The following STX7 variants were observed in gnomAD, a reference collection of about 807,000 sequenced individuals.
STX7 encodes the protein syntaxin-7.
In STX7, 34 loss-of-function variants were observed where a neutral mutation model predicts 39.6. That is an observed-to-expected ratio of 0.86 (90% CI 0.65 to 1.14). The LOEUF (loss-of-function observed/expected upper bound fraction) is 1.14. STX7 is among the 50% of genes most tolerant of loss of function. The probability of loss-of-function intolerance (pLI) is 0.00; values close to 1 mark genes in which losing one functional copy is unlikely to be tolerated. For synonymous variants in STX7, 119 were observed against 99.1 expected (o/e 1.20, Z -1.19); for missense variants, 284 against 310.4 (o/e 0.92, Z 0.64).
At chr6:132,488,073 T>TA (rs1457299406) in intron 2 of STX7, among the ~76,000 whole-genome samples, 1 of 152,238 alleles carries the variant, frequency 6.6e-6, no homozygotes, top group African/African-American at 2.4e-5. Context: ...CAAATTCTGA[T>TA]ATGTGATGCT....
At position 132,450,716 on chromosome 6, in the gene STX7, GA is replaced by G. The variant is rs1440029440; in HGVS notation, c.*10041del. ...GAATAAATCTGAAGATAAAATGATA[GA>G]AATTACACAGTCTGAACAACAGAAG... On this transcript the variant is annotated 3_prime_UTR_variant, in exon 10 of 10. Transcript: ENST00000367941. The G allele has an allele frequency of 6.6e-6, 1 of 152,054 alleles. No individual in the cohort carries two copies. Among genetic ancestry groups the G allele is most frequent in the African/African-American group, 2.4e-5 (1 of 41,418 alleles). The allele number at this position is 152,054 out of a possible 1,614,324, so 9.4% of individuals were successfully genotyped here. A position where few individuals can be genotyped will look rare whatever the true frequency, so the allele number is the denominator to read the frequency against.
At chr6:132,471,090 C>T (rs1046828146) in intron 5 of STX7, among the ~76,000 whole-genome samples, 3 of 152,102 alleles carry the variant, frequency 2.0e-5, no homozygotes, top group South Asian at 2.1e-4. Flanking sequence ...CATTCATCTC[C>T]GTCATCTTGG....
chr6:132,466,147 C>T (rs1252597244), intron 8 of STX7, among the ~76,000 whole-genome samples: 1 of 152,200 alleles, frequency 6.6e-6, no homozygotes, highest in Non-Finnish European at 1.5e-5. Flanking sequence ...TACACTATTT[C>T]ACCAACACAG....
intron 7 of STX7, among the ~76,000 whole-genome samples, chr6:132,468,851 G>T (rs1226297140): frequency 6.6e-6 from 1 of 152,158 alleles, no homozygotes; most frequent in Non-Finnish European, 1.5e-5. Flanking sequence ...AATATTCTTA[G>T]CATGTATTTC....
At chr6:132,476,770 G>A (rs937507332) in intron 2 of STX7, among the ~76,000 whole-genome samples, 5 of 152,058 alleles carry the variant, frequency 3.3e-5, no homozygotes, top group African/African-American at 9.7e-5. Flanking sequence ...TCACAATCCG[G>A]AAGTCTATGA....
rs766122101 is a variant in STX7, at chr6:132,507,135, A to G, written c.-58-3547T>C. ...TGGACAGAGAGTGGAATAAGAAGAC[A>G]TTGGAGACTCAAAAGGATGGGAGGG... On this transcript the variant is annotated intron_variant, in intron 1 of 9. Coordinates refer to ENST00000367941, the MANE Select transcript of STX7 (RefSeq NM_003569.3). 1.3e-3 allele frequency among the ~76,000 whole-genome samples: 202 copies of G among 152,296 alleles called. 1 individual carries two copies. Among genetic ancestry groups the G allele is most frequent in the Non-Finnish European group, 2.2e-3 (149 of 68,012 alleles).
intron 8 of STX7, among the ~76,000 whole-genome samples, chr6:132,465,600 T>G (rs1318011549): frequency 1.3e-5 from 2 of 152,200 alleles, no homozygotes; most frequent in Admixed American, 1.3e-4. Context: ...TTCTCTGACT[T>G]CTGAAAGACT....
chr6:132,473,889 G>T (rs533568494), intron 3 of STX7, among the ~76,000 whole-genome samples: 63 of 152,010 alleles, frequency 4.1e-4, no homozygotes, highest in African/African-American at 1.5e-3. Context: ...TATCTTTAAT[G>T]CATTTTTGTA....
Position 132,451,776 on chromosome 6 carries a change from T to C in STX7, c.*8982A>G, listed in dbSNP as rs1292780364. On this transcript the variant is annotated 3_prime_UTR_variant, in exon 10 of 10. Transcript: ENST00000367941. ...CATATAACTATTGTAAAAGTGGAAA[T>C]TACAATAAAAAGAACTCCCTCCCCC... The C allele has an allele frequency of 6.6e-6, 1 of 152,068 alleles. No homozygotes were observed. The highest frequency in any genetic ancestry group is 2.4e-5 in the African/African-American group (1 of 41,410). The allele number at this position is 152,068 out of a possible 1,614,324, so 9.4% of individuals were successfully genotyped here.
intron 2 of STX7, among the ~76,000 whole-genome samples, chr6:132,489,219 AAAAAAAG>A (rs1562333515): frequency 6.9e-6 from 1 of 145,158 alleles, no homozygotes; most frequent in Non-Finnish European, 1.5e-5. Flanking sequence ...AAAAAAAAAA[AAAAAAAG>A]GATGATATAT....
intron 2 of STX7, among the ~76,000 whole-genome samples, chr6:132,502,550 G>A (rs1053233286): frequency 4.9e-4 from 75 of 152,150 alleles, no homozygotes; most frequent in African/African-American, 1.7e-3. Flanking sequence ...GAATACTTCC[G>A]AATGAAGTGC....
rs939738867 is a variant in STX7 at position 132,458,293 on chromosome 6, G to A, written c.*2465C>T. On this transcript the variant is annotated 3_prime_UTR_variant, in exon 10 of 10. Coordinates refer to ENST00000367941, the MANE Select transcript of STX7 (RefSeq NM_003569.3). ...ACTGCATCCATGGCTGTCCTAGACTGAGTTGCACTTGTAAAAGAGATGGTC... is the reference window on the plus strand; with the variant it reads ...ACTGCATCCATGGCTGTCCTAGACTAAGTTGCACTTGTAAAAGAGATGGTC... 9.9e-5 allele frequency: 15 copies of A among 152,150 alleles called. No individual in the cohort carries two copies. The highest frequency in any genetic ancestry group is 1.6e-4 in the Non-Finnish European group (11 of 68,042). The allele number at this position is 152,150 out of a possible 1,614,324, so 9.4% of individuals were successfully genotyped here.
chr6:132,461,275 A>T (rs180865398), intron 9 of STX7, among the ~76,000 whole-genome samples: 2 of 152,122 alleles, frequency 1.3e-5, no homozygotes, highest in Non-Finnish European at 2.9e-5. Flanking sequence ...GATATCAGTA[A>T]GTACAAATTG....
chr6:132,458,613 C>A lies in STX7; in HGVS notation c.*2145G>T, dbSNP rs1261918992. The A allele has an allele frequency of 1.3e-5, 2 of 152,182 alleles. No homozygotes were observed. The highest frequency in any genetic ancestry group is 2.9e-5 in the Non-Finnish European group (2 of 68,042). 9.4% of individuals were successfully genotyped at this position (152,182 alleles called of 1,614,324 possible). A position where few individuals can be genotyped will look rare whatever the true frequency, so the allele number is the denominator to read the frequency against. On this transcript the variant is annotated 3_prime_UTR_variant, in exon 10 of 10. Coordinates refer to ENST00000367941, the MANE Select transcript of STX7 (RefSeq NM_003569.3). ...TCTAATTTTAATCTCCACAGGGCAA[C>A]CTTCACTTTTCACAGCAGTTCTAAA...
At chr6:132,490,866 C>T (rs947930351) in intron 2 of STX7, among the ~76,000 whole-genome samples, 9 of 152,052 alleles carry the variant, frequency 5.9e-5, no homozygotes, top group African/African-American at 1.7e-4. Context: ...ATCTTGGGGC[C>T]GATGAAGTGA....
chr6:132,470,466 G>T, intron 6 of STX7, 108 bp downstream of exon 6: 1 of 717,216 alleles, frequency 1.4e-6, no homozygotes, highest in South Asian at 2.9e-5. Context: ...AACAACTTAG[G>T]ATATTTATGA....
chr6:132,456,081 G>A lies in STX7; in HGVS notation c.*4677C>T, dbSNP rs1307111347. ...GTAATTCTATACATATCCTGTAAATGTCTGTCCTGATGATCAGGATGCCCA... is the reference window on the plus strand; with the variant it reads ...GTAATTCTATACATATCCTGTAAATATCTGTCCTGATGATCAGGATGCCCA... On this transcript the variant is annotated 3_prime_UTR_variant, in exon 10 of 10. Transcript: ENST00000367941. The A allele has an allele frequency of 2.6e-5, 4 of 152,086 alleles. No homozygotes were observed. In the East Asian group the frequency reaches 5.8e-4, roughly 22 times the overall value. The allele number at this position is 152,086 out of a possible 1,614,324, so 9.4% of individuals were successfully genotyped here.
At position 132,446,239 on chromosome 6, in the gene STX7, T is replaced by C. The variant is rs1042501694; in HGVS notation, c.*14519A>G. On this transcript the variant is annotated 3_prime_UTR_variant, in exon 10 of 10. Transcript: ENST00000367941. ...TTTTTAAACTACCTGACCCTTATAA[T>C]CATATGGTGAGTTGGTCTGATCATT... 1 of 152,176 alleles carries C rather than the reference T, an allele frequency of 6.6e-6. No homozygotes were observed. Among genetic ancestry groups the C allele is most frequent in the Non-Finnish European group, 1.5e-5 (1 of 68,028 alleles). 9.4% of individuals were successfully genotyped at this position (152,176 alleles called of 1,614,324 possible). A position where few individuals can be genotyped will look rare whatever the true frequency, so the allele number is the denominator to read the frequency against.
chr6:132,463,784 C>T (rs1426645250), intron 9 of STX7, among the ~76,000 whole-genome samples: 1 of 152,176 alleles, frequency 6.6e-6, no homozygotes, highest in Non-Finnish European at 1.5e-5. Flanking sequence ...TGTGGGCCAA[C>T]AATTCTGGTT....
Sources: gnomAD v4.1 joint callset for allele counts (sites outside exome capture counted in the v4.1 genomes callset) on GRCh38, gnomAD v4.1.1 for gene constraint, MANE v1.5 for transcripts, NCBI Gene and HGNC (gene_info 2026-07-23, HGNC 2026-07-21) for gene names.